Variants in PID1 observed in about 807,000 individuals in gnomAD.
PID1 encodes PTB-containing, cubilin and LRP1-interacting protein.
In PID1, 10 loss-of-function variants were observed where a neutral mutation model predicts 19.1. The ratio of observed to expected loss-of-function variants is 0.52; its 90% CI spans 0.32 to 0.89. The LOEUF (loss-of-function observed/expected upper bound fraction) is 0.89. Ranked by LOEUF, PID1 falls within the 40% of genes least tolerant of loss-of-function variation. The pLI, the probability that PID1 is intolerant of heterozygous loss-of-function variation, is 0.03. For synonymous variants in PID1, 130 were observed against 116.0 expected (o/e 1.12, Z -0.78); for missense variants, 248 against 285.3 (o/e 0.87, Z 0.94).
intron 2 of PID1, among the ~76,000 whole-genome samples, chr2:229,109,692 T>G (rs912308923): frequency 1.3e-5 from 2 of 152,224 alleles, no homozygotes; most frequent in African/African-American, 4.8e-5. Context: ...CATAATCATA[T>G]TTTATGTTTT....
intron 1 of PID1, among the ~76,000 whole-genome samples, chr2:229,246,479 G>A (rs898145418): frequency 1.3e-5 from 2 of 151,992 alleles, no homozygotes; most frequent in Admixed American, 6.6e-5. Context: ...TTACATACCC[G>A]TCTAACAATA....
chr2:229,173,014 T>A (rs1421275371), intron 1 of PID1, among the ~76,000 whole-genome samples: 1 of 152,138 alleles, frequency 6.6e-6, no homozygotes, highest in Non-Finnish European at 1.5e-5. Flanking sequence ...ATTACAGGCG[T>A]GAACCACTGG....
intron 2 of PID1, among the ~76,000 whole-genome samples, chr2:229,064,094 T>A (rs1215611998): frequency 6.6e-6 from 1 of 152,132 alleles, no homozygotes; most frequent in Non-Finnish European, 1.5e-5. Flanking sequence ...CACCTAATTG[T>A]TCAGCCATTC....
chr2:229,194,424 T>C (rs1337016911), intron 1 of PID1, among the ~76,000 whole-genome samples: 2 of 151,970 alleles, frequency 1.3e-5, no homozygotes, highest in East Asian at 1.9e-4. Flanking sequence ...ATATCATTAC[T>C]ACAAGAACTT....
At chr2:229,267,564 GT>G (rs1690624160) in intron 1 of PID1, among the ~76,000 whole-genome samples, 1 of 152,184 alleles carries the variant, frequency 6.6e-6, no homozygotes, top group African/African-American at 2.4e-5. Flanking sequence ...TTAAGGATGT[GT>G]TGACCTCCTT....
chr2:229,139,039 G>GAGAAAGAAAGAA, intron 2 of PID1, among the ~76,000 whole-genome samples: 1 of 48,378 alleles, frequency 2.1e-5, no homozygotes, highest in African/African-American at 7.4e-5. Flanking sequence ...AAGAAAGAAA[G>GAGAAAGAAAGAA]AGAAAGAAAG....
intron 2 of PID1, among the ~76,000 whole-genome samples, chr2:229,102,152 G>A (rs954993437): frequency 5.3e-5 from 8 of 152,064 alleles, no homozygotes; most frequent in Non-Finnish European, 8.8e-5. Flanking sequence ...AAGGAAGATC[G>A]CTAAGCTAAC....
intron 2 of PID1, among the ~76,000 whole-genome samples, chr2:229,118,413 C>T (rs892248948): frequency 6.6e-6 from 1 of 152,126 alleles, no homozygotes; most frequent in Admixed American, 6.5e-5. Flanking sequence ...CAGAATAATA[C>T]CAAGACAATG....
At chr2:229,051,705 G>T (rs1177999866) in intron 2 of PID1, among the ~76,000 whole-genome samples, 1 of 152,120 alleles carries the variant, frequency 6.6e-6, no homozygotes, top group Non-Finnish European at 1.5e-5. Flanking sequence ...TAAGTGTGTT[G>T]CAGGGAACAA....
chr2:229,152,564 A>C (rs915991669), intron 2 of PID1, among the ~76,000 whole-genome samples: 4 of 152,116 alleles, frequency 2.6e-5, no homozygotes, highest in Admixed American at 1.3e-4. Context: ...TCATTGCTGC[A>C]GCAAAATCAC....
intron 2 of PID1, among the ~76,000 whole-genome samples, chr2:229,052,097 C>T (rs546927574): frequency 2.0e-5 from 3 of 152,220 alleles, no homozygotes; most frequent in Non-Finnish European, 2.9e-5. Context: ...GGATAGTTGA[C>T]GCCCTCCACT....
chr2:229,062,128 G>A (rs147781995), intron 2 of PID1, among the ~76,000 whole-genome samples: 1 of 151,968 alleles, frequency 6.6e-6, no homozygotes, highest in Non-Finnish European at 1.5e-5. Context: ...ATACTATGCT[G>A]AGTAAAAATG....
At chr2:229,131,952 T>C (rs1170832549) in intron 2 of PID1, among the ~76,000 whole-genome samples, 3 of 152,172 alleles carry the variant, frequency 2.0e-5, no homozygotes, top group Non-Finnish European at 4.4e-5. Context: ...GAGCAAACCC[T>C]CTCTAGAGCA....
chr2:229,246,726 A>G (rs1437811263), intron 1 of PID1, among the ~76,000 whole-genome samples: 1 of 152,210 alleles, frequency 6.6e-6, no homozygotes, highest in Non-Finnish European at 1.5e-5. Flanking sequence ...CTTCAACTGA[A>G]GCAAAATGTC....
intron 2 of PID1, among the ~76,000 whole-genome samples, chr2:229,056,321 T>G (rs1368059513): frequency 6.6e-6 from 1 of 152,070 alleles, no homozygotes; most frequent in Non-Finnish European, 1.5e-5. Flanking sequence ...AACAAGCCAC[T>G]GAGTTTTGGG....
intron 2 of PID1, among the ~76,000 whole-genome samples, chr2:229,105,099 T>C (rs1251104204): frequency 2.6e-5 from 4 of 152,254 alleles, no homozygotes; most frequent in Non-Finnish European, 2.9e-5. Flanking sequence ...TTATCATTAT[T>C]ATTGGCCAAT....
intron 1 of PID1, among the ~76,000 whole-genome samples, chr2:229,237,945 A>C (rs574896334): frequency 6.6e-6 from 1 of 152,250 alleles, no homozygotes; most frequent in East Asian, 1.9e-4. Context: ...TTCTTCTTTT[A>C]CTCTCCTCTA....
At chr2:229,151,152 T>G (rs1690242974) in intron 2 of PID1, among the ~76,000 whole-genome samples, 1 of 152,118 alleles carries the variant, frequency 6.6e-6, no homozygotes, top group South Asian at 2.1e-4. Flanking sequence ...ATCCTGATAC[T>G]GACCTATGAA....
At chr2:229,141,230 TTGA>T (rs74551635) in intron 2 of PID1, among the ~76,000 whole-genome samples, 3,954 of 152,178 alleles carry the variant, frequency 0.026, 126 homozygotes, top group East Asian at 0.18. Context: ...ATTTCTCCTA[TTGA>T]TGATTAATGC....
Sources: allele counts gnomAD v4.1 joint callset (sites outside exome capture counted in the v4.1 genomes callset), GRCh38; gene constraint gnomAD v4.1.1; transcripts MANE v1.5; gene names NCBI Gene and HGNC (gene_info 2026-07-23, HGNC 2026-07-21).